The following ALDH3B1 variants were observed in gnomAD, a reference collection of about 807,000 sequenced individuals.
ALDH3B1 encodes aldehyde dehydrogenase 3 family member B1.
A neutral mutation model predicts 46.2 loss-of-function variants in ALDH3B1; 37 were observed. That is an observed-to-expected ratio of 0.80 (90% CI 0.62 to 1.05). The LOEUF is 1.05. ALDH3B1 is among the 50% of genes least tolerant of loss of function. The probability of loss-of-function intolerance (pLI) is 0.00; values close to 1 mark genes in which losing one functional copy is unlikely to be tolerated. For synonymous variants in ALDH3B1, 283 were observed against 281.0 expected (o/e 1.01, Z -0.07); for missense variants, 603 against 665.5 (o/e 0.91, Z 1.03).
At chr11:68,015,246 A>G (rs1857319949) in intron 1 of ALDH3B1, 51 bp from the exon 2 acceptor site, 17 of 1,447,138 alleles carry the variant, frequency 1.2e-5, no homozygotes, top group Admixed American at 2.8e-5. Context: ...GGTGGTGCCC[A>G]TGAAGGAGGG....
At chr11:68,014,986 C>T (rs1269095076) in intron 1 of ALDH3B1, 1 of 321,848 alleles carries the variant, frequency 3.1e-6, no homozygotes, top group East Asian at 5.0e-5. Context: ...CCCTCGGGGG[C>T]TGTGGTGGAG....
Position 68,022,620 on chromosome 11 carries a change from G to C in ALDH3B1, c.975G>C (p.Gln325His). ...CCCCCACGGTGCTGGTGGATGTGCA[G>C]GAGATGGAGCCTGTGATGCAGGAGG... ...YIAPTVLVDV[Q>H]EMEPVMQEEI... The change falls in exon 8 of 10, where the codon CAG becomes CAC. Residue 325 changes from glutamine to histidine, a missense_variant. Coordinates refer to ENST00000342456, the MANE Select transcript of ALDH3B1 (RefSeq NM_000694.4). 1 of 1,613,962 alleles carries C rather than the reference G, an allele frequency of 6.2e-7. No individual in the cohort carries two copies. Among genetic ancestry groups the C allele is most frequent in the Non-Finnish European group, 8.5e-7 (1 of 1,180,006 alleles).
At position 68,018,772 on chromosome 11, in the gene ALDH3B1, G is replaced by A. The variant is rs1388046125; in HGVS notation, c.274-1G>A. On this transcript the variant is annotated splice_acceptor_variant, in intron 3 of 9. Coordinates refer to ENST00000342456, the MANE Select transcript of ALDH3B1 (RefSeq NM_000694.4). LOFTEE classifies it high-confidence loss of function. ...AATTTCATCCCCGGCTCCCGGCCCA[G>A]GCCACGCAGCTGGACTCCGCCTTCA... is the stretch of plus-strand genomic sequence containing the variant. 6.4e-7 allele frequency: 1 copy of A among 1,552,510 alleles called. No individual in the cohort carries two copies. Among genetic ancestry groups the A allele is most frequent in the South Asian group, 1.2e-5 (1 of 84,104 alleles).
intron 9 of ALDH3B1, 84 bp from the exon 10 acceptor site, chr11:68,027,665 G>A (rs1857661358): frequency 9.5e-6 from 13 of 1,373,714 alleles, no homozygotes; most frequent in African/African-American, 1.4e-5. Flanking sequence ...GGCTCAGAGG[G>A]GAGAAGTAGC....
chr11:68,019,396 G>A, intron 5 of ALDH3B1, 141 bp downstream of exon 5: 1 of 775,260 alleles, frequency 1.3e-6, no homozygotes, highest in Non-Finnish European at 2.1e-6. Flanking sequence ...ACTTGACCAA[G>A]TCACCGCCCC....
intron 6 of ALDH3B1, 117 bp downstream of exon 6, chr11:68,019,913 T>C (rs1434640511): frequency 3.6e-6 from 4 of 1,097,502 alleles, no homozygotes; most frequent in Non-Finnish European, 5.4e-6. Context: ...TCTCTCTCTC[T>C]GGACCAGGCT....
chr11:68,010,717 G>A (rs1022202496), intron 1 of ALDH3B1, among the ~76,000 whole-genome samples: 10 of 152,196 alleles, frequency 6.6e-5, no homozygotes, highest in Non-Finnish European at 1.2e-4. Flanking sequence ...ACAGCTCTGG[G>A]TCCAGCTGCC....
At chr11:68,021,967 A>G in intron 7 of ALDH3B1, 96 bp downstream of exon 7, 21 of 1,508,806 alleles carry the variant, frequency 1.4e-5, no homozygotes, top group Non-Finnish European at 1.8e-5. Context: ...CCGCGCCTGA[A>G]ACCTGGCCCC....
Position 68,018,898 on chromosome 11 carries a change from G to T in ALDH3B1, c.394+5G>T. ...TCGTGGGAGCCCTCGCTGCAGGTGA[G>T]AGCTGGGCCTGCCCCTTCCGGTCAC... On this transcript the variant is annotated splice_donor_5th_base_variant and intron_variant, in intron 4 of 9. Transcript: ENST00000342456. 6.4e-7 allele frequency: 1 copy of T among 1,553,168 alleles called. No individual in the cohort carries two copies.
chr11:68,020,248 A>G (rs973388666), intron 6 of ALDH3B1, among the ~76,000 whole-genome samples: 1 of 151,398 alleles, frequency 6.6e-6, no homozygotes, highest in Non-Finnish European at 1.5e-5. Flanking sequence ...TTTTTTTTTG[A>G]GACAGAGTCT....
At chr11:68,014,162 A>G (rs1857290911) in intron 1 of ALDH3B1, among the ~76,000 whole-genome samples, 1 of 152,200 alleles carries the variant, frequency 6.6e-6, no homozygotes, top group Non-Finnish European at 1.5e-5. Context: ...GGTCTCAAAT[A>G]AGTAGGCACA....
chr11:68,018,978 A>T, intron 4 of ALDH3B1, 85 bp downstream of exon 4: 1 of 1,497,350 alleles, frequency 6.7e-7, no homozygotes, highest in South Asian at 1.3e-5. Flanking sequence ...GACATGGGAG[A>T]ACTGGCCCAG....
intron 2 of ALDH3B1, chr11:68,016,679 C>G (rs930666055): frequency 6.5e-6 from 1 of 153,046 alleles, no homozygotes; most frequent in Non-Finnish European, 1.5e-5. Context: ...GGGCTGCCCC[C>G]GGCTCCTATT....
At chr11:68,022,514 G>T in intron 7 of ALDH3B1, 81 bp from the exon 8 acceptor site, 1 of 1,505,466 alleles carries the variant, frequency 6.6e-7, no homozygotes, top group South Asian at 1.2e-5. Context: ...CCTGGCCTGT[G>T]GCCCTGTCCC....
chr11:68,022,778 G>A lies in ALDH3B1; in HGVS notation c.1116+17G>A, dbSNP rs532391501. 3.0e-5 allele frequency: 49 copies of A among 1,613,226 alleles called. No homozygotes were observed. The highest frequency in any genetic ancestry group is 2.7e-4 in the Admixed American group (16 of 60,000). ...AGCAGCCAGGTGGGGGTGCGGCCGG[G>A]CTGGGCAGGGTCAGGAGCCCGCAGT... On this transcript the variant is annotated intron_variant, in intron 8 of 9. Transcript: ENST00000342456.
At chr11:68,025,944 G>A in intron 8 of ALDH3B1, 65 bp from the exon 9 acceptor site, 1 of 1,226,884 alleles carries the variant, frequency 8.2e-7, no homozygotes, top group Non-Finnish European at 1.1e-6. Context: ...CATGGAACAG[G>A]CTCTGGGTCC....
chr11:68,018,850 G>A lies in ALDH3B1; in HGVS notation c.351G>A (p.Pro117=), dbSNP rs1196807651. ...TCATCATTGCGCCCTGGAACTATCC[G>A]CTGAACCTGACGCTGGTGCCCCTCG... is the stretch of plus-strand genomic sequence containing the variant. ...LVLIIAPWNY[P]LNLTLVPLVG... is the part of the protein sequence containing the mutation. The change falls in exon 4 of 10, where the codon CCG becomes CCA. Residue 117 remains proline (P), a synonymous_variant. Coordinates refer to ENST00000342456, the MANE Select transcript of ALDH3B1 (RefSeq NM_000694.4). 19 of 1,564,078 alleles carry A rather than the reference G, an allele frequency of 1.2e-5. No homozygotes were observed. The highest frequency in any genetic ancestry group is 1.7e-4 in the Middle Eastern group (1 of 6,006).
chr11:68,024,832 A>G (rs1034477586), intron 8 of ALDH3B1: 4 of 152,280 alleles, frequency 2.6e-5, no homozygotes, highest in Admixed American at 2.6e-4. Context: ...GGACTCAGGT[A>G]TATTTATTTG....
intron 8 of ALDH3B1, among the ~76,000 whole-genome samples, chr11:68,025,652 T>A (rs1212441993): frequency 6.6e-6 from 1 of 151,948 alleles, no homozygotes; most frequent in Non-Finnish European, 1.5e-5. Flanking sequence ...ATGACACCCC[T>A]CTCCTGGGAT....
Sources: allele counts gnomAD v4.1 joint callset (sites outside exome capture counted in the v4.1 genomes callset), GRCh38; gene constraint gnomAD v4.1.1; transcripts MANE v1.5; gene names NCBI Gene and HGNC (gene_info 2026-07-23, HGNC 2026-07-21).